Variants in UIMC1 observed in about 807,000 individuals in gnomAD.
UIMC1 encodes ubiquitin interaction motif containing 1, also known as BRCA1-A complex subunit RAP80.
UIMC1 carries 42 observed loss-of-function variants against 84.9 expected under a neutral mutation model. The ratio of observed to expected loss-of-function variants is 0.49; its 90% CI spans 0.39 to 0.64. The LOEUF (loss-of-function observed/expected upper bound fraction) is 0.64. Among genes scored for constraint, UIMC1 ranks in the 30% least tolerant of loss-of-function variants. The pLI, the probability that UIMC1 is intolerant of heterozygous loss-of-function variation, is 0.00. For missense variants in UIMC1, 825 were observed against 847.6 expected (o/e 0.97, Z 0.33); for synonymous variants, 281 against 293.0 (o/e 0.96, Z 0.42).
upstream of UIMC1, among the ~76,000 whole-genome samples, chr5:177,009,691 C>A (rs1011718254): frequency 6.6e-6 from 1 of 152,034 alleles, no homozygotes; most frequent in Admixed American, 6.6e-5. The surrounding 1 kb of genome is among the most constrained non-coding windows in gnomAD (Gnocchi z 4.3). Context: ...CACTTGAGCC[C>A]AGGAGTTCAA....
chr5:176,938,382 C>T (rs1561781428), intron 10 of UIMC1, among the ~76,000 whole-genome samples: 1 of 152,052 alleles, frequency 6.6e-6, no homozygotes, highest in Non-Finnish European at 1.5e-5. Context: ...GGCAGGCAAG[C>T]TGGTGGGGAA....
rs572570317 is a variant in UIMC1 at position 176,937,637 on chromosome 5, TAGTC to T, written c.1597+5694_1597+5697del. Among the ~76,000 whole-genome samples, 7 of 152,344 alleles carry T rather than the reference TAGTC, an allele frequency of 4.6e-5. No homozygotes were observed. The South Asian group carries it at 6.2e-4, about 14-fold the overall frequency. ...TTATAATCAAAACTTACAGCAAAGT[TAGTC>T]AGACATATATTTAATGATATGCATA... On this transcript the variant is annotated intron_variant, in intron 10 of 14. Coordinates refer to ENST00000511320, the MANE Select transcript of UIMC1 (RefSeq NM_001199298.2).
intron 3 of UIMC1, among the ~76,000 whole-genome samples, chr5:176,971,226 C>T (rs922029619): frequency 6.6e-6 from 1 of 152,228 alleles, no homozygotes; most frequent in Non-Finnish European, 1.5e-5. Context: ...GAGCTTTTTG[C>T]TAAATACCGC....
In UIMC1 at chr5:176,920,437, A is replaced by C. The variant is rs574608312; in HGVS notation, c.1598-9048T>G. On this transcript the variant is annotated intron_variant, in intron 10 of 14. Transcript: ENST00000511320. Reference sequence around the variant, plus strand: ...ATGAACAGGAAATACCATTCCATTTATTTAGGTCTTATTTAATTTCTTTCA... The same window carrying C: ...ATGAACAGGAAATACCATTCCATTTCTTTAGGTCTTATTTAATTTCTTTCA... Among the ~76,000 whole-genome samples, 6 of 152,312 alleles carry C rather than the reference A, an allele frequency of 3.9e-5. No homozygotes were observed. In the South Asian group the frequency reaches 1.2e-3, roughly 32 times the overall value.
intron 9 of UIMC1, among the ~76,000 whole-genome samples, chr5:176,949,600 A>C (rs1266002475): frequency 6.6e-6 from 1 of 152,206 alleles, no homozygotes; most frequent in Non-Finnish European, 1.5e-5. Context: ...AGGGAGTGTC[A>C]TCATCTTTCC....
At chr5:176,985,298 A>C (rs1463108603) in intron 1 of UIMC1, among the ~76,000 whole-genome samples, 5 of 152,090 alleles carry the variant, frequency 3.3e-5, no homozygotes, top group Non-Finnish European at 5.9e-5. Context: ...TCTACTAAAA[A>C]TACAAACATT....
At chr5:176,927,689 CA>C (rs1762542672) in intron 10 of UIMC1, among the ~76,000 whole-genome samples, 1 of 152,044 alleles carries the variant, frequency 6.6e-6, no homozygotes, top group Admixed American at 6.5e-5. Flanking sequence ...CTGCCCTTCC[CA>C]CACCTTTACA....
intron 1 of UIMC1, among the ~76,000 whole-genome samples, chr5:176,985,557 T>C (rs665039): frequency 0.27 from 41,661 of 151,998 alleles, 5,761 homozygotes; most frequent in Middle Eastern, 0.35. Flanking sequence ...TCTTTAAACA[T>C]CAATTTAGAT....
intron 2 of UIMC1, among the ~76,000 whole-genome samples, chr5:176,978,573 A>C (rs1770517007): frequency 6.6e-6 from 1 of 152,048 alleles, no homozygotes; most frequent in Non-Finnish European, 1.5e-5. Context: ...CCCCCAAAAA[A>C]AACTTTATAA....
chr5:177,005,397 T>C (rs1293576865), intron 1 of UIMC1, among the ~76,000 whole-genome samples: 2 of 151,978 alleles, frequency 1.3e-5, no homozygotes, highest in Non-Finnish European at 2.9e-5. Context: ...AATAACTAAA[T>C]ACAATGAACT....
intron 10 of UIMC1, among the ~76,000 whole-genome samples, chr5:176,932,185 A>C (rs1763173934): frequency 6.6e-6 from 1 of 152,156 alleles, no homozygotes; most frequent in African/African-American, 2.4e-5. Flanking sequence ...TCTCCAGAAA[A>C]CACTGAACAG....
At chr5:176,941,821 T>A (rs1461899660) in intron 10 of UIMC1, among the ~76,000 whole-genome samples, 1 of 152,068 alleles carries the variant, frequency 6.6e-6, no homozygotes, top group Non-Finnish European at 1.5e-5. Context: ...TCTTATGCTG[T>A]CTGAAAAGTA....
At chr5:176,918,889 C>T (rs1761358616) in intron 10 of UIMC1, among the ~76,000 whole-genome samples, 1 of 152,154 alleles carries the variant, frequency 6.6e-6, no homozygotes. Flanking sequence ...GTGACAGGAA[C>T]AAAAACACAT....
intron 10 of UIMC1, among the ~76,000 whole-genome samples, chr5:176,918,291 C>T (rs973012472): frequency 6.6e-6 from 1 of 152,332 alleles, no homozygotes; most frequent in Non-Finnish European, 1.5e-5. Flanking sequence ...TTTGTAACTT[C>T]AACCCAAGAT....
intron 10 of UIMC1, among the ~76,000 whole-genome samples, chr5:176,934,023 C>G (rs1207949647): frequency 1.3e-5 from 2 of 151,988 alleles, no homozygotes; most frequent in East Asian, 1.9e-4. Context: ...ATAGTCATAC[C>G]CAAGTCTGTT....
chr5:176,971,868 C>T (rs149310319), intron 3 of UIMC1, among the ~76,000 whole-genome samples: 50 of 151,794 alleles, frequency 3.3e-4, no homozygotes, highest in African/African-American at 1.2e-3. Context: ...GAAACCATGC[C>T]ATTGCACTCC....
intron 1 of UIMC1, among the ~76,000 whole-genome samples, chr5:177,016,390 A>G: frequency 6.6e-6 from 1 of 151,240 alleles, no homozygotes; most frequent in East Asian, 2.0e-4. Flanking sequence ...CAAACAAACA[A>G]AATACTATAA....
At chr5:177,022,194 T>A (rs1287643057) in intron 1 of UIMC1, among the ~76,000 whole-genome samples, 1 of 152,012 alleles carries the variant, frequency 6.6e-6, no homozygotes, top group Non-Finnish European at 1.5e-5. Flanking sequence ...CTATTAGCCA[T>A]TCGAGTGAAC....
chr5:176,972,357 C>T lies in UIMC1; in HGVS notation c.233-1491G>A, dbSNP rs562082324. Among the ~76,000 whole-genome samples the T allele has an allele frequency of 1.3e-4, 20 of 150,980 alleles. No homozygotes were observed. In the South Asian group the frequency reaches 3.8e-3, roughly 29 times the overall value. On this transcript the variant is annotated intron_variant, in intron 3 of 14. Transcript: ENST00000511320. ...GCAGAGCTTGCAGTGAGCAGAGATG[C>T]GCCACTGCACTCCAGCCTAGGCAAC...
Sources: allele counts gnomAD v4.1 joint callset (sites outside exome capture counted in the v4.1 genomes callset), GRCh38; gene constraint gnomAD v4.1.1; non-coding constraint Gnocchi (gnomAD v3.1); transcripts MANE v1.5; gene names NCBI Gene and HGNC (gene_info 2026-07-23, HGNC 2026-07-21).